The following MEIKIN variants were observed in gnomAD, a reference collection of about 807,000 sequenced individuals.
MEIKIN encodes meiotic kinetochore factor.
rs1580607072 is a variant in MEIKIN at position 131,945,233 on chromosome 5, G to C, written c.123C>G (p.Gly41=). Residue 41 remains glycine, a synonymous_variant, in exon 2 of 13, where the codon GGC becomes GGG. Coordinates refer to ENST00000442687, the MANE Select transcript of MEIKIN (RefSeq NM_001303622.2). ...AEAPPGSKRK[G]KVHGLSKIAE... ...CAATCTTCGACAAGCCGTGCACTTT[G>C]CCTTTTCTCTTCGAACCTGAGAGAG... The C allele has an allele frequency of 4.3e-5, 17 of 399,102 alleles. No homozygotes were observed. In the East Asian group the frequency reaches 6.1e-4, roughly 14 times the overall value. 24.7% of individuals were successfully genotyped at this position (399,102 alleles called of 1,614,324 possible). A position where few individuals can be genotyped will look rare whatever the true frequency, so the allele number is the denominator to read the frequency against.
chr5:131,909,390 T>A (rs571076547), intron 8 of MEIKIN, among the ~76,000 whole-genome samples: 2 of 152,328 alleles, frequency 1.3e-5, no homozygotes, highest in African/African-American at 2.4e-5. Context: ...TAGACCCTTG[T>A]CTGTTGCCAT....
At chr5:131,844,210 C>T (rs1379879181) in intron 11 of MEIKIN, among the ~76,000 whole-genome samples, 11 of 152,138 alleles carry the variant, frequency 7.2e-5, no homozygotes, top group African/African-American at 2.7e-4. Context: ...TCCCCCAACA[C>T]TGGGAATACA....
intron 8 of MEIKIN, among the ~76,000 whole-genome samples, chr5:131,895,203 T>A (rs1267841089): frequency 6.6e-6 from 1 of 152,194 alleles, no homozygotes; most frequent in Non-Finnish European, 1.5e-5. Context: ...TTGATTTGCA[T>A]TTGTTGAACC....
At chr5:131,852,481 T>TA (rs1268905031) in intron 10 of MEIKIN, among the ~76,000 whole-genome samples, 1 of 152,078 alleles carries the variant, frequency 6.6e-6, no homozygotes, top group African/African-American at 2.4e-5. Context: ...ACATAGGTCA[T>TA]AAAAAAGGAA....
intron 11 of MEIKIN, among the ~76,000 whole-genome samples, chr5:131,849,135 G>C (rs1424783437): frequency 6.6e-6 from 1 of 152,132 alleles, no homozygotes; most frequent in East Asian, 1.9e-4. Flanking sequence ...AATCCCCAAT[G>C]TTGGAGGTGG....
chr5:131,881,593 C>G (rs904699813), intron 8 of MEIKIN, among the ~76,000 whole-genome samples: 1 of 152,152 alleles, frequency 6.6e-6, no homozygotes, highest in African/African-American at 2.4e-5. Context: ...TCTCCAGACT[C>G]CTGCATCATA....
intron 5 of MEIKIN, among the ~76,000 whole-genome samples, chr5:131,931,505 C>G (rs1561758579): frequency 6.6e-6 from 1 of 152,168 alleles, no homozygotes; most frequent in Non-Finnish European, 1.5e-5. Context: ...TCAGGCATCC[C>G]TCAGAGAATT....
intron 8 of MEIKIN, among the ~76,000 whole-genome samples, chr5:131,905,947 C>G (rs1397652166): frequency 6.6e-6 from 1 of 152,096 alleles, no homozygotes; most frequent in African/African-American, 2.4e-5. Context: ...CTAGGAAATA[C>G]CACTCTGGAC....
chr5:131,891,604 T>C (rs1419624315), intron 8 of MEIKIN, among the ~76,000 whole-genome samples: 2 of 152,058 alleles, frequency 1.3e-5, no homozygotes, highest in Non-Finnish European at 2.9e-5. Flanking sequence ...TTTGAGCCTA[T>C]GTGTCTCTGC....
rs187153189 is a variant in MEIKIN at position 131,874,844 on chromosome 5, G to A, written c.774+4134C>T. 4.1e-4 allele frequency among the ~76,000 whole-genome samples: 63 copies of A among 152,242 alleles called. 1 individual carries two copies. Among genetic ancestry groups the A allele is most frequent in the Admixed American group, 3.5e-3 (54 of 15,282 alleles). ...GGGATGCAAGGCTGGTTCAACGTAC[G>A]AAAATCAATAAATGTAATCCAGCAT... On this transcript the variant is annotated intron_variant, in intron 9 of 12. Transcript: ENST00000442687.
chr5:131,858,291 C>T (rs1016785858), intron 9 of MEIKIN, among the ~76,000 whole-genome samples: 4 of 152,226 alleles, frequency 2.6e-5, no homozygotes, highest in Admixed American at 2.6e-4. Context: ...TGCACACCTA[C>T]AACCATCTGA....
chr5:131,906,246 C>T (rs753045904), intron 8 of MEIKIN, among the ~76,000 whole-genome samples: 8 of 152,106 alleles, frequency 5.3e-5, no homozygotes, highest in Admixed American at 2.6e-4. Context: ...GACATACACA[C>T]GACCGACAAA....
chr5:131,920,008 G>A (rs891614713), intron 6 of MEIKIN, among the ~76,000 whole-genome samples: 6 of 152,122 alleles, frequency 3.9e-5, no homozygotes, highest in African/African-American at 1.4e-4. Context: ...AGGGAGGTGG[G>A]GAGAAAATGA....
chr5:131,899,787 T>C (rs1256104411), intron 8 of MEIKIN, among the ~76,000 whole-genome samples: 2 of 152,176 alleles, frequency 1.3e-5, no homozygotes, highest in African/African-American at 4.8e-5. Context: ...TAAATATATA[T>C]GCACCTAACA....
At chr5:131,845,151 T>G (rs557599130) in intron 11 of MEIKIN, among the ~76,000 whole-genome samples, 41 of 151,770 alleles carry the variant, frequency 2.7e-4, no homozygotes, top group African/African-American at 9.9e-4. Context: ...GCACCTGTAG[T>G]CCCAGCTACT....
intron 9 of MEIKIN, among the ~76,000 whole-genome samples, chr5:131,868,503 G>A (rs1267006301): frequency 6.6e-6 from 1 of 152,090 alleles, no homozygotes; most frequent in African/African-American, 2.4e-5. Flanking sequence ...CAGGTCTTTG[G>A]CCCATTTTTC....
At chr5:131,914,575 G>A (rs1317187150) in intron 7 of MEIKIN, among the ~76,000 whole-genome samples, 1 of 14,264 alleles carries the variant, frequency 7.0e-5, no homozygotes, top group African/African-American at 2.2e-4. Flanking sequence ...GGGAAGAGAA[G>A]GGAAGGGAAG....
At position 131,945,530 on chromosome 5, in the gene MEIKIN, CA is replaced by C. The variant is rs1751950743; in HGVS notation, c.-26del. The C allele has an allele frequency of 2.0e-5, 8 of 400,010 alleles. No homozygotes were observed. In the East Asian group the frequency reaches 2.5e-4, roughly 12 times the overall value. The allele number at this position is 400,010 out of a possible 1,614,324, so 24.8% of individuals were successfully genotyped here. The stretch of plus-strand genomic sequence containing the variant: ...TTGCTATCCCACCCTACCCCCAGGC[CA>C]CGGGTGCCTCTGGACTCTCGATGGC... On this transcript the variant is annotated 5_prime_UTR_variant, in exon 1 of 13. Coordinates refer to ENST00000442687, the MANE Select transcript of MEIKIN (RefSeq NM_001303622.2).
intron 4 of MEIKIN, among the ~76,000 whole-genome samples, chr5:131,934,134 T>A (rs1580914384): frequency 6.6e-6 from 1 of 151,788 alleles, no homozygotes; most frequent in African/African-American, 2.4e-5. Context: ...TTTTTTTATT[T>A]TTTTTTTTAG....
Sources: gnomAD v4.1 joint callset for allele counts (sites outside exome capture counted in the v4.1 genomes callset) on GRCh38, gnomAD v4.1.1 for gene constraint, MANE v1.5 for transcripts, NCBI Gene and HGNC (gene_info 2026-07-23, HGNC 2026-07-21) for gene names.